EPHB2: variants seen among roughly 807,000 people sequenced by gnomAD.
EPHB2 encodes the protein ephrin type-B receptor 2.
EPHB2 carries 18 observed loss-of-function variants against 96.4 expected under a neutral mutation model. That is an observed-to-expected ratio of 0.19 (90% CI 0.13 to 0.28). The LOEUF (loss-of-function observed/expected upper bound fraction) is 0.28, where lower values mean the gene tolerates loss of function less well. Among genes scored for constraint, EPHB2 ranks in the 10% least tolerant of loss-of-function variants. The pLI is 1.00. For synonymous variants in EPHB2, 506 were observed against 534.1 expected, an observed-to-expected ratio of 0.95 and a Z score of 0.72; for missense variants, 989 against 1,355.4, an observed-to-expected ratio of 0.73 and a Z score of 4.25.
Position 22,864,964 on chromosome 1 carries a change from G to T in EPHB2, c.1055G>T (p.Gly352Val). The T allele has an allele frequency of 6.2e-7, 1 of 1,605,672 alleles. No individual in the cohort carries two copies. The highest frequency in any genetic ancestry group is 8.5e-7 in the Non-Finnish European group (1 of 1,174,682). The stretch of plus-strand genomic sequence containing the variant: ...TGGACCCCTCCCCGCGACTCCGGAG[G>T]CCGAGAGGACCTCGTCTACAACATC... The part of the protein sequence containing the change: ...LEWTPPRDSG[G>V]REDLVYNIIC... The change falls in exon 5 of 16, where the codon GGC (glycine) becomes GTC (valine). Residue 352 changes from glycine to valine, a missense_variant. Coordinates refer to ENST00000374630, the MANE Select transcript of EPHB2 (RefSeq NM_017449.5).
Position 22,913,584 on chromosome 1 carries a change from CG to C in EPHB2, c.*16del. ...GTGGAGGTTTGACATTCACCTGCCT[CG>C]GCTCACCTCTTCCTCCAAGCCCCGC... On this transcript the variant is annotated 3_prime_UTR_variant, in exon 16 of 16. Coordinates refer to ENST00000374630, the MANE Select transcript of EPHB2 (RefSeq NM_017449.5). This position sits in a 1 kb window ranked among gnomAD's most constrained non-coding sequence, Gnocchi z 4.1. 1 of 1,614,012 alleles carries C rather than the reference CG, an allele frequency of 6.2e-7. No homozygotes were observed. Among genetic ancestry groups the C allele is most frequent in the Non-Finnish European group, 8.5e-7 (1 of 1,179,986 alleles).
rs1640140047 is a variant in EPHB2, at chr1:22,912,517, G to A, written c.2770G>A (p.Ala924Thr). 1 of 1,614,118 alleles carries A rather than the reference G, an allele frequency of 6.2e-7. No individual in the cohort carries two copies. Among genetic ancestry groups the A allele is most frequent in the Non-Finnish European group, 8.5e-7 (1 of 1,180,034 alleles). Residue 924 changes from alanine to threonine, a missense_variant, in exon 15 of 16, where the codon GCC becomes ACC. Transcript: ENST00000374630. Reference sequence around the variant, plus strand: ...TAACACGGTGGACGAGTGGCTGGAGGCCATCAAGATGGGGCAGTACAAGGA... The same window carrying A: ...TAACACGGTGGACGAGTGGCTGGAGACCATCAAGATGGGGCAGTACAAGGA... ...SFNTVDEWLEAIKMGQYKESF... is the reference protein window; with the variant it reads ...SFNTVDEWLETIKMGQYKESF...
intron 1 of EPHB2, among the ~76,000 whole-genome samples, chr1:22,763,524 G>A (rs1644264197): frequency 1.3e-5 from 2 of 152,006 alleles, no homozygotes; most frequent in African/African-American, 4.8e-5. Flanking sequence ...AACTAAAGTG[G>A]CCAGGCCCTC....
At chr1:22,734,863 T>TA (rs1643792977) in intron 1 of EPHB2, among the ~76,000 whole-genome samples, 1 of 152,236 alleles carries the variant, frequency 6.6e-6, no homozygotes, top group African/African-American at 2.4e-5. Flanking sequence ...TCAGGGGACT[T>TA]ACAGATTACA....
At chr1:22,782,368 C>T (rs954585767) in intron 2 of EPHB2, among the ~76,000 whole-genome samples, 3 of 152,164 alleles carry the variant, frequency 2.0e-5, no homozygotes, top group Non-Finnish European at 2.9e-5. Context: ...CCCTCATCCC[C>T]GCCGTCTCTG....
rs190565549 is a variant in EPHB2 at position 22,784,198 on chromosome 1, C to T, written c.127-194C>T. Among the ~76,000 whole-genome samples, 5 of 152,310 alleles carry T rather than the reference C, an allele frequency of 3.3e-5. No individual in the cohort carries two copies. The East Asian group carries it at 9.7e-4, about 29-fold the overall frequency. On this transcript the variant is annotated intron_variant, in intron 2 of 15. Coordinates refer to ENST00000374630, the MANE Select transcript of EPHB2 (RefSeq NM_017449.5). This position sits in a 1 kb window ranked among gnomAD's most constrained non-coding sequence, Gnocchi z 5.1. Reference sequence around the variant, plus strand: ...GGGCAATGTCTCCCCTGTCAGCTAGCAGAATACCAAGAGCAGGATGTGTGC... The same window carrying T: ...GGGCAATGTCTCCCCTGTCAGCTAGTAGAATACCAAGAGCAGGATGTGTGC...
intron 14 of EPHB2, 50 bp from the exon 15 acceptor site, chr1:22,912,389 ACGCTC>A (rs1373068287): frequency 1.9e-6 from 3 of 1,611,144 alleles, no homozygotes; most frequent in Non-Finnish European, 2.5e-6. Context: ...ATGTCCCTGC[ACGCTC>A]CCTGCAAACA....
At chr1:22,845,042 C>T (rs1293393399) in intron 3 of EPHB2, among the ~76,000 whole-genome samples, 1 of 152,186 alleles carries the variant, frequency 6.6e-6, no homozygotes, top group Non-Finnish European at 1.5e-5. Flanking sequence ...CAGGATGTTG[C>T]GATGAGAGCA....
intron 3 of EPHB2, among the ~76,000 whole-genome samples, chr1:22,791,389 A>C (rs1318465294): frequency 6.6e-6 from 1 of 151,768 alleles, no homozygotes; most frequent in African/African-American, 2.4e-5. Context: ...GTGTATTTAC[A>C]CATACTGATT....
chr1:22,834,553 T>C (rs1027720751), intron 3 of EPHB2, among the ~76,000 whole-genome samples: 2 of 152,132 alleles, frequency 1.3e-5, no homozygotes, highest in Admixed American at 1.3e-4. Context: ...ACTCTGCCAT[T>C]GTGACATAAA....
chr1:22,735,449 A>AG (rs1553159412), intron 1 of EPHB2, among the ~76,000 whole-genome samples: 7 of 151,558 alleles, frequency 4.6e-5, no homozygotes, highest in Admixed American at 6.6e-5. Flanking sequence ...AAAAAAAAAA[A>AG]AAGAAGAAGA....
At chr1:22,872,430 C>T (rs749054965) in intron 5 of EPHB2, among the ~76,000 whole-genome samples, 2 of 152,208 alleles carry the variant, frequency 1.3e-5, no homozygotes, top group Non-Finnish European at 2.9e-5. Context: ...CCTGCAAAGT[C>T]CCTTTTGTCA....
intron 7 of EPHB2, among the ~76,000 whole-genome samples, chr1:22,894,009 T>C (rs970010503): frequency 6.6e-6 from 1 of 152,206 alleles, no homozygotes; most frequent in Non-Finnish European, 1.5e-5. Flanking sequence ...GCTCCTGGAC[T>C]CCTAAATTCT....
At chr1:22,714,791 A>G (rs905944546) in intron 1 of EPHB2, among the ~76,000 whole-genome samples, 6 of 152,240 alleles carry the variant, frequency 3.9e-5, no homozygotes, top group African/African-American at 1.2e-4. Context: ...CCCTGAAGAC[A>G]GAGACCCATC....
Position 22,911,143 on chromosome 1 carries a change from A to AAAATAAATAAATAAATAAAT in EPHB2, c.2696+587_2696+606dup, listed in dbSNP as rs59316223. ...TGGCAAGAGTGAAACTCCATCTAAA[A>AAAATAAATAAATAAATAAAT]AAATAAATAAATAAATAAATAAATA... is the stretch of plus-strand genomic sequence containing the variant. On this transcript the variant is annotated intron_variant, in intron 14 of 15. Coordinates refer to ENST00000374630, the MANE Select transcript of EPHB2 (RefSeq NM_017449.5). 2.2e-3 allele frequency among the ~76,000 whole-genome samples: 299 copies of AAAATAAATAAATAAATAAAT among 133,810 alleles called. 1 individual carries two copies. The highest frequency in any genetic ancestry group is 7.2e-3 in the East Asian group (34 of 4,750). 87.8% of individuals were successfully genotyped at this position (133,810 alleles called of 152,430 possible). A position where few individuals can be genotyped will look rare whatever the true frequency, so the allele number is the denominator to read the frequency against.
intron 5 of EPHB2, among the ~76,000 whole-genome samples, chr1:22,874,163 G>C (rs1638764455): frequency 2.0e-5 from 3 of 152,206 alleles, no homozygotes; most frequent in Admixed American, 6.5e-5. Context: ...GAGCAGCCCA[G>C]ACAGCTGCAT....
chr1:22,846,527 G>A lies in EPHB2; in HGVS notation c.812-16510G>A, dbSNP rs886219212. ...CGCCCTGCCAAAGACAGAACTGCCC[G>A]ATCTGCAGGCCTTGGGCATGGAGAG... On this transcript the variant is annotated intron_variant, in intron 3 of 15. Coordinates refer to ENST00000374630, the MANE Select transcript of EPHB2 (RefSeq NM_017449.5). The surrounding 1 kb of genome is among the most constrained non-coding windows in gnomAD (Gnocchi z 4.3). 5.3e-5 allele frequency among the ~76,000 whole-genome samples: 8 copies of A among 152,094 alleles called. No individual in the cohort carries two copies. Among genetic ancestry groups the A allele is most frequent in the Non-Finnish European group, 7.4e-5 (5 of 68,010 alleles).
intron 3 of EPHB2, among the ~76,000 whole-genome samples, chr1:22,787,354 T>G (rs1336113910): frequency 6.6e-6 from 1 of 152,158 alleles, no homozygotes; most frequent in African/African-American, 2.4e-5. Flanking sequence ...GAGGCAGTTT[T>G]GGTATGGCCA....
rs142271219 is a variant in EPHB2 at position 22,900,920 on chromosome 1, C to T, written c.1765+4442C>T. Among the ~76,000 whole-genome samples, 389 of 152,306 alleles carry T rather than the reference C, an allele frequency of 2.6e-3. 4 individuals carry two copies. The highest frequency in any genetic ancestry group is 8.6e-3 in the African/African-American group (356 of 41,570). ...ATCACCCACACGGCCCCATGGTTTC[C>T]ATCATTCAGCAGGTGCTGAGTGAGT... On this transcript the variant is annotated intron_variant, in intron 9 of 15. Coordinates refer to ENST00000374630, the MANE Select transcript of EPHB2 (RefSeq NM_017449.5).
Sources: gnomAD v4.1 joint callset for allele counts (sites outside exome capture counted in the v4.1 genomes callset) on GRCh38, gnomAD v4.1.1 for gene constraint, Gnocchi (gnomAD v3.1) non-coding constraint, MANE v1.5 for transcripts, NCBI Gene and HGNC (gene_info 2026-07-23, HGNC 2026-07-21) for gene names.